Variants in OXCT1 observed in about 807,000 individuals in gnomAD.
OXCT1 encodes succinyl-CoA:3-ketoacid coenzyme A transferase 1, mitochondrial.
In OXCT1, 27 loss-of-function variants were observed where a neutral mutation model predicts 69.6. The ratio of observed to expected loss-of-function variants is 0.39; its 90% CI spans 0.29 to 0.54. The LOEUF (loss-of-function observed/expected upper bound fraction) is 0.54, where lower values mean the gene tolerates loss of function less well. Among genes scored for constraint, OXCT1 ranks in the 20% least tolerant of loss-of-function variants. The probability of loss-of-function intolerance (pLI) is 0.72; values close to 1 mark genes in which losing one functional copy is unlikely to be tolerated. For missense variants in OXCT1, 437 were observed against 650.2 expected, an observed-to-expected ratio of 0.67 and a Z score of 3.57; for synonymous variants, 202 against 217.8, an observed-to-expected ratio of 0.93 and a Z score of 0.64.
chr5:41,797,234 G>T (rs1025780051), intron 11 of OXCT1, among the ~76,000 whole-genome samples: 2 of 152,310 alleles, frequency 1.3e-5, no homozygotes, highest in Non-Finnish European at 1.5e-5. Context: ...AGGAAACTGA[G>T]ATCAATGGGA....
chr5:41,855,949 T>C (rs1561132796), intron 3 of OXCT1, among the ~76,000 whole-genome samples: 8 of 151,986 alleles, frequency 5.3e-5, no homozygotes, highest in Non-Finnish European at 1.5e-5. Context: ...AACAGACAGA[T>C]AGACAGCTTT....
chr5:41,789,640 A>C (rs989914614), intron 13 of OXCT1, among the ~76,000 whole-genome samples: 4 of 152,348 alleles, frequency 2.6e-5, no homozygotes, highest in Non-Finnish European at 4.4e-5. Context: ...CATTACACTA[A>C]TAAGACAAAG....
At chr5:41,832,774 A>C (rs1487293933) in intron 7 of OXCT1, among the ~76,000 whole-genome samples, 1 of 152,166 alleles carries the variant, frequency 6.6e-6, no homozygotes, top group African/African-American at 2.4e-5. Context: ...ATAACAAAGA[A>C]GGAATTCAGA....
chr5:41,749,690 A>G (rs1193163164), intron 14 of OXCT1, 83 bp from the exon 15 acceptor site: 9 of 839,470 alleles, frequency 1.1e-5, no homozygotes, highest in Non-Finnish European at 1.6e-5. Context: ...ATAAACAGAA[A>G]CTATCAGAGA....
Position 41,870,248 on chromosome 5 carries a change from T to C in OXCT1, c.78+33A>G. The C allele has an allele frequency of 6.4e-7, 1 of 1,562,106 alleles. No individual in the cohort carries two copies. The highest frequency in any genetic ancestry group is 8.8e-7 in the Non-Finnish European group (1 of 1,132,904). Reference sequence around the variant, plus strand: ...CTCAGGGTTTGGTCCACGTTCTTCCTGCCCATGGCCTTCCTCTTCCCCCGC... The same window carrying C: ...CTCAGGGTTTGGTCCACGTTCTTCCCGCCCATGGCCTTCCTCTTCCCCCGC... On this transcript the variant is annotated intron_variant, in intron 1 of 16. Transcript: ENST00000196371. This position sits in a 1 kb window ranked among gnomAD's most constrained non-coding sequence, Gnocchi z 4.2.
At chr5:41,857,835 C>T (rs1357860498) in intron 3 of OXCT1, among the ~76,000 whole-genome samples, 1 of 152,220 alleles carries the variant, frequency 6.6e-6, no homozygotes, top group Non-Finnish European at 1.5e-5. Context: ...ATATCATCTA[C>T]AGCCCAGACT....
intron 13 of OXCT1, among the ~76,000 whole-genome samples, chr5:41,763,274 G>T (rs991599344): frequency 4.6e-5 from 7 of 152,200 alleles, no homozygotes; most frequent in Admixed American, 4.6e-4. Flanking sequence ...TTGTGGTTTG[G>T]AATCTGTCAG....
At chr5:41,766,568 C>CAAAAAAAAA (rs35725846) in intron 13 of OXCT1, among the ~76,000 whole-genome samples, 3 of 120,026 alleles carry the variant, frequency 2.5e-5, no homozygotes, top group Non-Finnish European at 1.8e-5. Context: ...CATTGTACTC[C>CAAAAAAAAA]AAAAAAAAAA....
At chr5:41,804,135 TCTATGAAG>T (rs1746556653) in intron 9 of OXCT1, among the ~76,000 whole-genome samples, 1 of 152,056 alleles carries the variant, frequency 6.6e-6, no homozygotes, top group Non-Finnish European at 1.5e-5. Flanking sequence ...ATAGAGTAAA[TCTATGAAG>T]CTATGATTAT....
intron 4 of OXCT1, 144 bp downstream of exon 4, chr5:41,853,275 A>C (rs1749269705): frequency 1.5e-6 from 1 of 673,132 alleles, no homozygotes; most frequent in African/African-American, 1.8e-5. Context: ...AGCAATCAAC[A>C]GGTGTGAGTT....
chr5:41,805,345 G>C (rs761241641), intron 9 of OXCT1, among the ~76,000 whole-genome samples: 2 of 151,262 alleles, frequency 1.3e-5, no homozygotes, highest in Non-Finnish European at 2.9e-5. Context: ...GCAAATTATT[G>C]ATTGCCATTT....
chr5:41,802,971 A>C (rs1234334203), intron 10 of OXCT1, 98 bp downstream of exon 10: 1 of 855,622 alleles, frequency 1.2e-6, no homozygotes, highest in Non-Finnish European at 2.0e-6. Flanking sequence ...TGCACCCTAA[A>C]AGCTATTGAA....
chr5:41,862,791 T>C (rs2112475889), intron 1 of OXCT1, 41 bp from the exon 2 acceptor site: 2 of 1,176,342 alleles, frequency 1.7e-6, no homozygotes, highest in Non-Finnish European at 2.5e-6. Context: ...CATTTGGAGA[T>C]ACAGCTTTAC....
At chr5:41,767,020 C>T (rs1160634038) in intron 13 of OXCT1, among the ~76,000 whole-genome samples, 1 of 152,134 alleles carries the variant, frequency 6.6e-6, no homozygotes, top group East Asian at 1.9e-4. Context: ...ATCTGTCTTC[C>T]CCATTATTAA....
intron 14 of OXCT1, among the ~76,000 whole-genome samples, chr5:41,757,404 G>A (rs1389768682): frequency 6.6e-6 from 1 of 152,078 alleles, no homozygotes; most frequent in Non-Finnish European, 1.5e-5. Flanking sequence ...CTGGGAATGA[G>A]ATGCCAGGTT....
chr5:41,775,075 G>C (rs779513524), intron 13 of OXCT1, among the ~76,000 whole-genome samples: 1 of 152,006 alleles, frequency 6.6e-6, no homozygotes, highest in Middle Eastern at 3.2e-3. Flanking sequence ...TTCTTCAACT[G>C]TTTATACTCA....
chr5:41,807,823 A>T (rs1746762373), intron 7 of OXCT1, among the ~76,000 whole-genome samples: 1 of 152,080 alleles, frequency 6.6e-6, no homozygotes, highest in Non-Finnish European at 1.5e-5. Flanking sequence ...AATTAATGGG[A>T]AATTTATCAT....
In OXCT1 at chr5:41,811,311, T is replaced by A. The variant is rs186301564; in HGVS notation, c.733-3873A>T. ...AGTTGCTAGAAGAGAATAATTTGAATGTGCTTAGCATAAAGAATAGATAAA... is the reference window on the plus strand; with the variant it reads ...AGTTGCTAGAAGAGAATAATTTGAAAGTGCTTAGCATAAAGAATAGATAAA... On this transcript the variant is annotated intron_variant, in intron 7 of 16. Coordinates refer to ENST00000196371, the MANE Select transcript of OXCT1 (RefSeq NM_000436.4). Among the ~76,000 whole-genome samples the A allele has an allele frequency of 2.6e-5, 4 of 152,146 alleles. No individual in the cohort carries two copies. In the East Asian group the frequency reaches 5.8e-4, roughly 22 times the overall value.
At chr5:41,855,659 T>A (rs1749395004) in intron 3 of OXCT1, among the ~76,000 whole-genome samples, 3 of 152,216 alleles carry the variant, frequency 2.0e-5, no homozygotes, top group Admixed American at 2.0e-4. Flanking sequence ...TGAGTGCTTA[T>A]TCTATCCCTG....
Sources: gnomAD v4.1 joint callset for allele counts (sites outside exome capture counted in the v4.1 genomes callset) on GRCh38, gnomAD v4.1.1 for gene constraint, Gnocchi (gnomAD v3.1) non-coding constraint, MANE v1.5 for transcripts, NCBI Gene and HGNC (gene_info 2026-07-23, HGNC 2026-07-21) for gene names.